Variants in CHSY1 observed in about 807,000 individuals in gnomAD.
CHSY1 encodes N-acetylgalactosaminyl-proteoglycan 3-beta-glucuronosyltransferase 1.
Under a neutral mutation model 59.8 loss-of-function variants are expected in CHSY1, and 13 were observed. The observed-to-expected ratio is 0.22, with a 90% confidence interval of 0.14 to 0.35. The LOEUF is 0.35. Among genes scored for constraint, CHSY1 ranks in the 10% least tolerant of loss-of-function variants. The pLI is 1.00. For missense variants in CHSY1, 947 were observed against 1,030.6 expected (o/e 0.92, Z 1.11); for synonymous variants, 459 against 401.2 (o/e 1.14, Z -1.72).
At position 101,251,695 on chromosome 15, in the gene CHSY1, A is replaced by G. The variant is rs1420202763; in HGVS notation, c.-239T>C. ...CGGCCTGCGCCTTTAAGAGGGGACC[A>G]TGCCCGGCGCGCGCTAGCGGCGGCT... On this transcript the variant is annotated 5_prime_UTR_variant, in exon 1 of 3. An upstream start codon of the reference 5' UTR is lost. Coordinates refer to ENST00000254190, the MANE Select transcript of CHSY1 (RefSeq NM_014918.5). The G allele has an allele frequency of 2.7e-5, 4 of 147,366 alleles. No individual in the cohort carries two copies. Among genetic ancestry groups the G allele is most frequent in the Admixed American group, 2.0e-4 (3 of 14,876 alleles). 9.1% of individuals were successfully genotyped at this position (147,366 alleles called of 1,614,324 possible).
intron 2 of CHSY1, among the ~76,000 whole-genome samples, chr15:101,196,046 C>T (rs1363630345): frequency 9.9e-5 from 15 of 151,860 alleles, no homozygotes; most frequent in Non-Finnish European, 1.6e-4. Context: ...GTCAGGAGTT[C>T]GAGATCAGCT....
intron 1 of CHSY1, among the ~76,000 whole-genome samples, chr15:101,247,909 T>A (rs1299705696): frequency 6.6e-6 from 1 of 152,176 alleles, no homozygotes; most frequent in Non-Finnish European, 1.5e-5. Flanking sequence ...ATCTCAGAGT[T>A]GTTGGAATGA....
intron 1 of CHSY1, among the ~76,000 whole-genome samples, chr15:101,250,907 C>A (rs1203869395): frequency 1.3e-5 from 2 of 152,232 alleles, no homozygotes; most frequent in African/African-American, 4.8e-5. Context: ...CCCAGCGAGG[C>A]CACACTAGTC....
intron 2 of CHSY1, among the ~76,000 whole-genome samples, chr15:101,232,815 A>G (rs1239454422): frequency 6.6e-6 from 1 of 152,232 alleles, no homozygotes; most frequent in Non-Finnish European, 1.5e-5. Context: ...CAGAAGAGAA[A>G]AAGAGAGCTC....
chr15:101,179,575 A>C (rs1322566161), intron 2 of CHSY1, among the ~76,000 whole-genome samples: 1 of 152,198 alleles, frequency 6.6e-6, no homozygotes, highest in Non-Finnish European at 1.5e-5. Flanking sequence ...AAGCAAAAGC[A>C]CACGCTGAAA....
At chr15:101,203,256 A>C (rs979059714) in intron 2 of CHSY1, among the ~76,000 whole-genome samples, 1 of 152,298 alleles carries the variant, frequency 6.6e-6, no homozygotes, top group Admixed American at 6.5e-5. Flanking sequence ...CACAGTCCTG[A>C]CAGGCATGGA....
chr15:101,210,361 C>T lies in CHSY1; in HGVS notation c.816+24721G>A, dbSNP rs1354970155. 2.0e-5 allele frequency among the ~76,000 whole-genome samples: 3 copies of T among 152,162 alleles called. No individual in the cohort carries two copies. The East Asian group carries it at 5.8e-4, about 29-fold the overall frequency. ...CTTTATCTTCCTGTCATTGCAAAAA[C>T]CCTACATTTAATAGAAAAACTAATC... On this transcript the variant is annotated intron_variant, in intron 2 of 2. Transcript: ENST00000254190.
chr15:101,204,446 AT>A (rs2038604395), intron 2 of CHSY1, among the ~76,000 whole-genome samples: 1 of 144,836 alleles, frequency 6.9e-6, no homozygotes, highest in African/African-American at 2.5e-5. Flanking sequence ...AATAATAATA[AT>A]AATAATAATA....
intron 2 of CHSY1, among the ~76,000 whole-genome samples, chr15:101,215,301 C>G (rs1027108893): frequency 1.2e-4 from 19 of 152,186 alleles, no homozygotes; most frequent in Middle Eastern, 3.2e-3. Flanking sequence ...CCAGGGTATA[C>G]TATCAGTATG....
At chr15:101,220,254 C>T (rs1018761617) in intron 2 of CHSY1, among the ~76,000 whole-genome samples, 4 of 152,172 alleles carry the variant, frequency 2.6e-5, no homozygotes, top group South Asian at 2.1e-4. Context: ...TGCCCCCTCA[C>T]CTCTGACCTC....
chr15:101,251,479 G>GGCCACCGCCGCCGCCGCC lies in CHSY1; in HGVS notation c.-24_-23insGGCGGCGGCGGCGGTGGC. The GGCCACCGCCGCCGCCGCC allele has an allele frequency of 1.4e-6, 1 of 703,418 alleles. No homozygotes were observed. Among genetic ancestry groups the GGCCACCGCCGCCGCCGCC allele is most frequent in the Non-Finnish European group, 1.7e-6 (1 of 577,174 alleles). The allele number at this position is 703,418 out of a possible 1,614,324, so 43.6% of individuals were successfully genotyped here. ...CATGCCCGCGCCGCTCCGCCCGCCG[G>GGCCACCGCCGCCGCCGCC]GCCGCCGCCGCAGGCTCCGCGCGCC... is the stretch of plus-strand genomic sequence containing the variant. On this transcript the variant is annotated 5_prime_UTR_variant, in exon 1 of 3. Coordinates refer to ENST00000254190, the MANE Select transcript of CHSY1 (RefSeq NM_014918.5).
At chr15:101,196,763 C>A (rs886860125) in intron 2 of CHSY1, among the ~76,000 whole-genome samples, 2 of 152,204 alleles carry the variant, frequency 1.3e-5, no homozygotes, top group African/African-American at 2.4e-5. Flanking sequence ...GTGGCTCATG[C>A]CTATAATCCC....
At chr15:101,191,465 G>A (rs1445886027) in intron 2 of CHSY1, among the ~76,000 whole-genome samples, 1 of 152,194 alleles carries the variant, frequency 6.6e-6, no homozygotes, top group Non-Finnish European at 1.5e-5. Flanking sequence ...TTAGGACAGT[G>A]AACTGTTCTG....
intron 2 of CHSY1, among the ~76,000 whole-genome samples, chr15:101,194,355 C>T (rs1007623225): frequency 5.3e-5 from 8 of 152,220 alleles, no homozygotes; most frequent in African/African-American, 1.4e-4. Context: ...TCCATGTGTA[C>T]GCACACATTT....
At chr15:101,243,059 T>A (rs1037126395) in intron 1 of CHSY1, among the ~76,000 whole-genome samples, 3 of 152,162 alleles carry the variant, frequency 2.0e-5, no homozygotes, top group African/African-American at 7.2e-5. Flanking sequence ...TTTTTCTTAA[T>A]TAAGCTGTTG....
intron 2 of CHSY1, among the ~76,000 whole-genome samples, chr15:101,188,452 T>C (rs1286770947): frequency 2.6e-5 from 4 of 152,196 alleles, no homozygotes; most frequent in Admixed American, 1.3e-4. Context: ...TCAGGACGCA[T>C]GGTTATCCCA....
chr15:101,239,891 C>G (rs1252531865), intron 1 of CHSY1, among the ~76,000 whole-genome samples: 2 of 152,112 alleles, frequency 1.3e-5, no homozygotes, highest in African/African-American at 2.4e-5. Context: ...TCCCGTGTAC[C>G]CCACCAGGAA....
intron 2 of CHSY1, among the ~76,000 whole-genome samples, chr15:101,205,787 T>C (rs1267383252): frequency 6.6e-6 from 1 of 152,036 alleles, no homozygotes; most frequent in East Asian, 1.9e-4. Context: ...CCGTCTCTAC[T>C]AAAAATACAA....
intron 2 of CHSY1, among the ~76,000 whole-genome samples, chr15:101,185,516 C>T (rs141156980): frequency 0.075 from 11,128 of 149,342 alleles, 326 homozygotes; most frequent in East Asian, 0.16. Flanking sequence ...ACCCTCCATC[C>T]CCCTTCCCTG....
Sources: allele counts gnomAD v4.1 joint callset (sites outside exome capture counted in the v4.1 genomes callset), GRCh38; gene constraint gnomAD v4.1.1; transcripts MANE v1.5; gene names NCBI Gene and HGNC (gene_info 2026-07-23, HGNC 2026-07-21).